The following SORCS2 variants were observed in gnomAD, a reference collection of about 807,000 sequenced individuals.
SORCS2 encodes VPS10 domain-containing receptor SorCS2.
SORCS2 carries 100 observed loss-of-function variants against 141.6 expected under a neutral mutation model. That is an observed-to-expected ratio of 0.71 (90% confidence interval 0.60 to 0.83). The LOEUF (loss-of-function observed/expected upper bound fraction) is 0.83. Among genes scored for constraint, SORCS2 ranks in the 40% least tolerant of loss-of-function variants. The pLI is 0.00. For missense variants in SORCS2, 1,646 were observed against 1,560.2 expected (o/e 1.05, Z -0.93); for synonymous variants, 789 against 676.9 (o/e 1.17, Z -2.57).
At chr4:7,665,409 C>T (rs1358130982) in intron 7 of SORCS2, among the ~76,000 whole-genome samples, 2 of 152,224 alleles carry the variant, frequency 1.3e-5, no homozygotes, top group African/African-American at 4.8e-5. Flanking sequence ...CTCTGCTGAG[C>T]CCCAGCCCCT....
intron 8 of SORCS2, among the ~76,000 whole-genome samples, chr4:7,673,665 C>G (rs1722923719): frequency 6.6e-6 from 1 of 152,202 alleles, no homozygotes; most frequent in South Asian, 2.1e-4. Context: ...TCACTTTATG[C>G]ATTTTTCTTT....
At chr4:7,497,471 G>C (rs545413989) in intron 2 of SORCS2, among the ~76,000 whole-genome samples, 16 of 152,336 alleles carry the variant, frequency 1.1e-4, no homozygotes, top group African/African-American at 3.6e-4. Context: ...CCTAGGAGCA[G>C]CCCAGCTCCT....
chr4:7,466,104 A>G (rs544837719), intron 2 of SORCS2, among the ~76,000 whole-genome samples: 1 of 152,080 alleles, frequency 6.6e-6, no homozygotes, highest in Non-Finnish European at 1.5e-5. Context: ...ACAAAGGGAT[A>G]TGAATGTGCA....
At chr4:7,202,122 A>G (rs4689082) in intron 1 of SORCS2, among the ~76,000 whole-genome samples, 98,880 of 152,046 alleles carry the variant, frequency 0.65, 35,007 homozygotes, top group East Asian at 0.98. Context: ...TCCCACAAGC[A>G]CAGACCATCC....
intron 2 of SORCS2, among the ~76,000 whole-genome samples, chr4:7,445,369 C>T (rs903996854): frequency 5.9e-5 from 9 of 151,834 alleles, no homozygotes; most frequent in African/African-American, 9.7e-5. Flanking sequence ...GGGGGAGAGC[C>T]GGGTCTGGAG....
chr4:7,715,766 C>T (rs1292670466), intron 17 of SORCS2, among the ~76,000 whole-genome samples: 1 of 152,190 alleles, frequency 6.6e-6, no homozygotes. Flanking sequence ...TTCACCAAGG[C>T]TTGGGTGCTG....
chr4:7,459,921 G>C (rs1208809546), intron 2 of SORCS2: 1 of 153,930 alleles, frequency 6.5e-6, no homozygotes, highest in Non-Finnish European at 1.5e-5. Context: ...GCAAGGAGCA[G>C]CTGGGAGCAT....
chr4:7,425,438 G>C (rs1425532943), intron 2 of SORCS2, among the ~76,000 whole-genome samples: 7 of 152,236 alleles, frequency 4.6e-5, no homozygotes, highest in Non-Finnish European at 8.8e-5. Flanking sequence ...GGGAATGGCA[G>C]TCTGAGAAAC....
chr4:7,706,210 G>C (rs1452157970), intron 14 of SORCS2, among the ~76,000 whole-genome samples: 2 of 125,226 alleles, frequency 1.6e-5, no homozygotes, highest in African/African-American at 3.0e-5. Context: ...GATGAGGCTG[G>C]GCTCCGTCTG....
chr4:7,361,819 A>T (rs1296565356), intron 1 of SORCS2, among the ~76,000 whole-genome samples: 2 of 151,178 alleles, frequency 1.3e-5, no homozygotes, highest in African/African-American at 2.4e-5. Flanking sequence ...GGCAAGGCTA[A>T]AGCAGCCTCC....
At chr4:7,344,660 G>A (rs1343984291) in intron 1 of SORCS2, among the ~76,000 whole-genome samples, 1 of 152,186 alleles carries the variant, frequency 6.6e-6, no homozygotes, top group Non-Finnish European at 1.5e-5. Flanking sequence ...ACATGCCTGG[G>A]ACCAGCCGAG....
intron 1 of SORCS2, among the ~76,000 whole-genome samples, chr4:7,364,487 G>A (rs1278980898): frequency 2.0e-5 from 3 of 152,112 alleles, no homozygotes; most frequent in African/African-American, 7.2e-5. Flanking sequence ...GGCAGCTGTG[G>A]GCTTCGGGGG....
chr4:7,516,761 C>T (rs1266298976), intron 2 of SORCS2, among the ~76,000 whole-genome samples: 1 of 152,182 alleles, frequency 6.6e-6, no homozygotes, highest in African/African-American at 2.4e-5. Context: ...GGAGCCTCCC[C>T]TTCTCGGCAT....
At chr4:7,451,540 G>A (rs1014704545) in intron 2 of SORCS2, among the ~76,000 whole-genome samples, 1 of 152,248 alleles carries the variant, frequency 6.6e-6, no homozygotes, top group African/African-American at 2.4e-5. Flanking sequence ...GGTGACATGG[G>A]GGACCAGCCT....
At chr4:7,393,916 G>GGTTCCTTCTCCTTGATGACTGCCGAGTCA (rs1724029268) in intron 1 of SORCS2, among the ~76,000 whole-genome samples, 4 of 152,132 alleles carry the variant, frequency 2.6e-5, no homozygotes, top group Non-Finnish European at 5.9e-5. Context: ...CCTCACTTCA[G>GGTTCCTTCTCCTTGATGACTGCCGAGTCA]GGTCCTTCTC....
Position 7,664,291 on chromosome 4 carries a change from C to A in SORCS2, c.953-62C>A. 7.3e-7 allele frequency: 1 copy of A among 1,371,562 alleles called. No individual in the cohort carries two copies. Among genetic ancestry groups the A allele is most frequent in the Non-Finnish European group, 1.0e-6 (1 of 979,190 alleles). 85.0% of individuals were successfully genotyped at this position (1,371,562 alleles called of 1,614,324 possible). A position where few individuals can be genotyped will look rare whatever the true frequency, so the allele number is the denominator to read the frequency against. ...GAGGAAGATGGAGTCCAGCACATGTCTCGGGCCGTCTCTGGCTCCGGCTGG... is the reference window on the plus strand; with the variant it reads ...GAGGAAGATGGAGTCCAGCACATGTATCGGGCCGTCTCTGGCTCCGGCTGG... On this transcript the variant is annotated intron_variant, in intron 6 of 26. Transcript: ENST00000507866. The surrounding 1 kb of genome is among the most constrained non-coding windows in gnomAD (Gnocchi z 4.7).
chr4:7,242,533 T>TGC (rs1712773339), intron 1 of SORCS2, among the ~76,000 whole-genome samples: 1 of 146,376 alleles, frequency 6.8e-6, no homozygotes, highest in African/African-American at 2.8e-5. Context: ...TTTAGCTCAC[T>TGC]GCGTCATCCC....
intron 2 of SORCS2, among the ~76,000 whole-genome samples, chr4:7,448,754 T>A (rs1577580026): frequency 1.2e-5 from 1 of 81,806 alleles, no homozygotes. Flanking sequence ...CTCCCCTCCC[T>A]CCCTCTTTTC....
chr4:7,552,815 A>C (rs1393579901), intron 3 of SORCS2, among the ~76,000 whole-genome samples: 1 of 152,040 alleles, frequency 6.6e-6, no homozygotes, highest in African/African-American at 2.4e-5. Context: ...TCTATAAGGG[A>C]GGAATCAGGG....
Sources: gnomAD v4.1 joint callset for allele counts (sites outside exome capture counted in the v4.1 genomes callset) on GRCh38, gnomAD v4.1.1 for gene constraint, Gnocchi (gnomAD v3.1) non-coding constraint, MANE v1.5 for transcripts, NCBI Gene and HGNC (gene_info 2026-07-23, HGNC 2026-07-21) for gene names.